Variants in PRKCD observed in about 807,000 individuals in gnomAD.
The protein encoded by PRKCD is protein kinase C delta type.
In PRKCD, 20 loss-of-function variants were observed where a neutral mutation model predicts 82.2. The ratio of observed to expected loss-of-function variants is 0.24; its 90% CI spans 0.17 to 0.35. PRKCD has a LOEUF of 0.35. Among genes scored for constraint, PRKCD ranks in the 10% least tolerant of loss-of-function variants. The probability of loss-of-function intolerance (pLI) is 1.00; values close to 1 mark genes in which losing one functional copy is unlikely to be tolerated. For missense variants in PRKCD, 607 were observed against 899.0 expected (o/e 0.68, Z 4.15); for synonymous variants, 317 against 337.0 (o/e 0.94, Z 0.65).
chr3:53,163,824 A>C (rs1452965208), intron 1 of PRKCD, among the ~76,000 whole-genome samples: 2 of 151,964 alleles, frequency 1.3e-5, no homozygotes, highest in Non-Finnish European at 2.9e-5. Context: ...GGATGCCCAG[A>C]CAGAGCCCCC....
chr3:53,181,707 C>T lies in PRKCD; in HGVS notation c.546C>T (p.Leu182=), dbSNP rs1157399584. 5.6e-6 allele frequency: 9 copies of T among 1,613,044 alleles called. No homozygotes were observed. The highest frequency in any genetic ancestry group is 7.6e-6 in the Non-Finnish European group (9 of 1,179,006). ...CCTGGGTTTTGCCTTTCAGGGGCCT[C>T]AACAAGCAAGGCTACAAATGCAGGC... ...CSVCKDFVWG[L]NKQGYKCRQC... Residue 182 remains leucine (L), a synonymous_variant, in exon 7 of 19, where the codon CTC becomes CTT. Transcript: ENST00000330452.
rs1553667548 is a variant in PRKCD at position 53,181,601 on chromosome 3, T to C, written c.534T>C (p.Phe178=). 6.2e-6 allele frequency: 10 copies of C among 1,614,242 alleles called. No homozygotes were observed. Among genetic ancestry groups the C allele is most frequent in the Non-Finnish European group, 8.5e-6 (10 of 1,180,036 alleles). ...QPTFCSVCKD[F]VWGLNKQGYK... is the part of the protein sequence containing the mutation. Reference sequence around the variant, plus strand: ...CCTTCTGTTCTGTGTGCAAAGACTTTGTCTGGTGAGAACCGGCCATGCCCA... The same window carrying C: ...CCTTCTGTTCTGTGTGCAAAGACTTCGTCTGGTGAGAACCGGCCATGCCCA... The change falls in exon 6 of 19, where the codon TTT becomes TTC. Residue 178 remains phenylalanine (F), a synonymous_variant. Transcript: ENST00000330452.
intron 18 of PRKCD, among the ~76,000 whole-genome samples, chr3:53,190,965 G>A (rs1190616920): frequency 6.6e-6 from 1 of 152,192 alleles, no homozygotes; most frequent in African/African-American, 2.4e-5. Flanking sequence ...CACAAAGCAG[G>A]TGTGATGTAC....
chr3:53,188,223 C>T (rs1553669810), intron 15 of PRKCD, among the ~76,000 whole-genome samples: 2 of 85,114 alleles, frequency 2.3e-5, no homozygotes, highest in Non-Finnish European at 2.6e-5. Context: ...AAGGTGGGAG[C>T]GAGCTGCATG....
intron 15 of PRKCD, 29 bp from the exon 16 acceptor site, chr3:53,188,688 CCTG>C (rs782543267): frequency 2.5e-6 from 4 of 1,612,132 alleles, no homozygotes; most frequent in Non-Finnish European, 8.5e-7. Context: ...AGAAATGTCC[CCTG>C]CTGACTCTTA....
chr3:53,175,406 G>A (rs192433662), intron 2 of PRKCD, among the ~76,000 whole-genome samples: 6 of 152,256 alleles, frequency 3.9e-5, no homozygotes, highest in Admixed American at 3.3e-4. Context: ...TGGGTTGATT[G>A]TAGCCCTTAT....
Position 53,185,971 on chromosome 3 carries a change from T to A in PRKCD, c.1030T>A (p.Cys344Ser). The change falls in exon 12 of 19, where the codon TGC (cysteine) becomes AGC (serine). Residue 344 changes from cysteine (C) to serine (S), a missense_variant. Around this residue, in one of 5 missense-constraint regions of PRKCD, gnomAD observed 85 missense variants for 76.1 expected, o/e 1.12. Coordinates refer to ENST00000330452, the MANE Select transcript of PRKCD (RefSeq NM_006254.4). ...YGKIWEGSSK[C>S]NINNFIFHKV... The stretch of plus-strand genomic sequence containing the variant: ...CAAGATCTGGGAGGGCAGCAGCAAG[T>A]GCAACATCAACAACTTCATCTTCCA... 6.2e-7 allele frequency: 1 copy of A among 1,614,166 alleles called. No individual in the cohort carries two copies.
chr3:53,187,547 C>T (rs1685195928), intron 15 of PRKCD, 145 bp downstream of exon 15: 1 of 930,600 alleles, frequency 1.1e-6, no homozygotes, highest in Admixed American at 2.6e-5. Context: ...GCCTATGCCT[C>T]CCACCCTGGT....
chr3:53,172,986 C>T (rs1218824043), intron 2 of PRKCD, among the ~76,000 whole-genome samples: 1 of 152,228 alleles, frequency 6.6e-6, no homozygotes, highest in African/African-American at 2.4e-5. Flanking sequence ...GCCTTAGTTT[C>T]CTCCTCTGTA....
intron 4 of PRKCD, 131 bp from the exon 5 acceptor site, chr3:53,181,076 C>A: frequency 1.1e-6 from 1 of 943,446 alleles, no homozygotes; most frequent in Non-Finnish European, 1.6e-6. Flanking sequence ...ACTGGGCAGA[C>A]AAGTGTCTGG....
intron 2 of PRKCD, among the ~76,000 whole-genome samples, chr3:53,172,231 T>G (rs557443246): frequency 1.3e-5 from 2 of 152,160 alleles, no homozygotes; most frequent in South Asian, 2.1e-4. Context: ...CTGTTCCTCT[T>G]GCTGAGCCCA....
chr3:53,164,634 A>G (rs1277533015), intron 1 of PRKCD, among the ~76,000 whole-genome samples: 1 of 152,108 alleles, frequency 6.6e-6, no homozygotes, highest in Non-Finnish European at 1.5e-5. Context: ...ACATGAGTCC[A>G]GCACAGGAGC....
intron 2 of PRKCD, among the ~76,000 whole-genome samples, chr3:53,171,678 C>A (rs1477638335): frequency 2.0e-5 from 3 of 152,328 alleles, no homozygotes; most frequent in East Asian, 1.9e-4. Flanking sequence ...CCAGGGCCAG[C>A]CTTCTGAGCT....
At chr3:53,167,818 G>A (rs868970057) in intron 2 of PRKCD, among the ~76,000 whole-genome samples, 1 of 152,180 alleles carries the variant, frequency 6.6e-6, no homozygotes, top group South Asian at 2.1e-4. Flanking sequence ...TGGCTGAGGA[G>A]CCAGGTCTCT....
intron 2 of PRKCD, among the ~76,000 whole-genome samples, chr3:53,176,592 A>G (rs1319383279): frequency 1.3e-5 from 2 of 152,266 alleles, no homozygotes; most frequent in African/African-American, 4.8e-5. Context: ...CGCTCCCTCA[A>G]CCAAGGCTAT....
intron 4 of PRKCD, 46 bp downstream of exon 4, chr3:53,179,822 G>C (rs781962052): frequency 9.6e-6 from 14 of 1,460,478 alleles, no homozygotes. Context: ...GTGTGTGTCT[G>C]TGTGTGTGTG....
Position 53,187,189 on chromosome 3 carries a change from G to GATGTACTTGATGTA in PRKCD, c.1353-151_1353-150insATGTACTTGATGTA, listed in dbSNP as rs1553669412. The GATGTACTTGATGTA allele has an allele frequency of 9.4e-4, 845 of 899,756 alleles. 2 individuals carry two copies. In the African/African-American group the frequency reaches 0.012, roughly 13 times the overall value. 55.7% of individuals were successfully genotyped at this position (899,756 alleles called of 1,614,324 possible). On this transcript the variant is annotated intron_variant, in intron 14 of 18. Coordinates refer to ENST00000330452, the MANE Select transcript of PRKCD (RefSeq NM_006254.4). ...CTGCCTGGGCTGCCAGCCCCCACTTGCCTGATACAAGATGTACTTGATCAT... is the reference window on the plus strand; with the variant it reads ...CTGCCTGGGCTGCCAGCCCCCACTTGATGTACTTGATGTACCTGATACAAGATGTACTTGATCAT...
In PRKCD at chr3:53,184,920, C is replaced by A; in HGVS notation, c.834C>A (p.Asn278Lys). The change falls in exon 10 of 19, where the codon AAC (asparagine) becomes AAA (lysine). Residue 278 changes from asparagine (N) to lysine (K), a missense_variant. Asn to Lys is a moderately conservative substitution (Grantham distance 94). Transcript: ENST00000330452. ...VHHKCREKVA[N>K]LCGINQKLLA... The stretch of plus-strand genomic sequence containing the variant: ...ATAAATGCCGGGAGAAGGTGGCCAA[C>A]CTCTGCGGCATCAACCAGAAGCTTT... 1 of 1,614,084 alleles carries A rather than the reference C, an allele frequency of 6.2e-7. No individual in the cohort carries two copies. The highest frequency in any genetic ancestry group is 1.3e-5 in the African/African-American group (1 of 75,040).
At chr3:53,178,634 G>A in intron 3 of PRKCD, 97 bp downstream of exon 3, 1 of 1,015,748 alleles carries the variant, frequency 9.8e-7, no homozygotes, top group Non-Finnish European at 1.4e-6. Context: ...AACCTCTGAA[G>A]GATTCTGCTC....
Sources: gnomAD v4.1 joint callset for allele counts (sites outside exome capture counted in the v4.1 genomes callset) on GRCh38, gnomAD v4.1.1 for gene constraint, gnomAD v4.1.1 regional missense constraint, MANE v1.5 for transcripts, NCBI Gene and HGNC (gene_info 2026-07-23, HGNC 2026-07-21) for gene names.